Variants in MAML2 observed in about 807,000 individuals in gnomAD.
MAML2 encodes the protein mastermind like transcriptional coactivator 2, also known as mastermind-like protein 2.
MAML2 carries 22 observed loss-of-function variants against 96.1 expected under a neutral mutation model. The observed-to-expected ratio is 0.23, with a 90% confidence interval of 0.16 to 0.33. MAML2 has a LOEUF of 0.33. Among genes scored for constraint, MAML2 ranks in the 10% least tolerant of loss-of-function variants. MAML2 has a pLI of 1.00. For missense variants in MAML2, 1,367 were observed against 1,392.4 expected (o/e 0.98, Z 0.29); for synonymous variants, 561 against 521.3 (o/e 1.08, Z -1.04).
Position 95,989,422 on chromosome 11 carries a change from C to T in MAML2, c.2343+2098G>A, listed in dbSNP as rs148381335. On this transcript the variant is annotated intron_variant, in intron 3 of 4. Transcript: ENST00000524717. ...GTCCTAGTGGTGACTCAACTGGGGC[C>T]CAGTGGGAGTTAGCCCAGTGCCAGG... is the stretch of plus-strand genomic sequence containing the variant. Among the ~76,000 whole-genome samples, 233 of 152,290 alleles carry T rather than the reference C, an allele frequency of 1.5e-3. 1 individual carries two copies. The highest frequency in any genetic ancestry group is 5.2e-3 in the African/African-American group (218 of 41,560).
chr11:96,332,401 A>C (rs1380167456), intron 1 of MAML2, among the ~76,000 whole-genome samples: 1 of 152,196 alleles, frequency 6.6e-6, no homozygotes, highest in Admixed American at 6.5e-5. Flanking sequence ...TTAATTTAGC[A>C]CAAAGACAGC....
intron 1 of MAML2, among the ~76,000 whole-genome samples, chr11:96,180,411 C>A (rs1211230927): frequency 6.6e-6 from 1 of 152,180 alleles, no homozygotes; most frequent in African/African-American, 2.4e-5. Context: ...ACTTGGCTCT[C>A]TTTTTCAGGA....
chr11:96,286,078 T>C (rs1441746267), intron 1 of MAML2, among the ~76,000 whole-genome samples: 1 of 152,190 alleles, frequency 6.6e-6, no homozygotes, highest in African/African-American at 2.4e-5. Flanking sequence ...TTAACCCAAA[T>C]GCCCATCAAT....
Position 95,979,945 on chromosome 11 carries a change from C to A in MAML2, c.2474G>T (p.Ser825Ile), listed in dbSNP as rs776781734. 2 of 1,612,178 alleles carry A rather than the reference C, an allele frequency of 1.2e-6. No individual in the cohort carries two copies. The highest frequency in any genetic ancestry group is 1.7e-4 in the Middle Eastern group (1 of 6,058). ...AQYSGGSSTISLNSNQALANP... is the reference protein window; with the variant it reads ...AQYSGGSSTIILNSNQALANP... ...TGCCAAAGCCTGGTTAGAGTTTAAG[C>A]TTATTGTGGATGAGCCACCTGAGAA... The change falls in exon 5 of 5, where the codon AGC (serine) becomes ATC (isoleucine). Residue 825 changes from serine to isoleucine, a missense_variant. Coordinates refer to ENST00000524717, the MANE Select transcript of MAML2 (RefSeq NM_032427.4).
intron 1 of MAML2, among the ~76,000 whole-genome samples, chr11:96,279,550 T>G (rs1275220918): frequency 6.6e-6 from 1 of 152,228 alleles, no homozygotes; most frequent in Non-Finnish European, 1.5e-5. Context: ...AGAGGGTGAC[T>G]AACAAGCTTC....
intron 1 of MAML2, among the ~76,000 whole-genome samples, chr11:96,336,764 T>C (rs1415924405): frequency 6.6e-6 from 1 of 152,230 alleles, no homozygotes; most frequent in African/African-American, 2.4e-5. Flanking sequence ...TTATGGCCAC[T>C]CTTTTAGTCA....
At chr11:96,052,647 C>T (rs1285422564) in intron 2 of MAML2, among the ~76,000 whole-genome samples, 1 of 152,156 alleles carries the variant, frequency 6.6e-6, no homozygotes, top group Non-Finnish European at 1.5e-5. Context: ...CACATTGATG[C>T]CCTGTGTCAA....
At chr11:96,000,392 T>C (rs1042320948) in intron 2 of MAML2, among the ~76,000 whole-genome samples, 8 of 152,202 alleles carry the variant, frequency 5.3e-5, no homozygotes, top group African/African-American at 1.9e-4. Flanking sequence ...CTGTGGCTGC[T>C]TTCCCACTAT....
chr11:96,196,246 A>G (rs1393216584), intron 1 of MAML2, among the ~76,000 whole-genome samples: 1 of 152,206 alleles, frequency 6.6e-6, no homozygotes, highest in African/African-American at 2.4e-5. Context: ...GTTTCCTTGC[A>G]GTGATCAGGA....
intron 1 of MAML2, among the ~76,000 whole-genome samples, chr11:96,237,810 T>C (rs1862385451): frequency 6.6e-6 from 1 of 152,254 alleles, no homozygotes; most frequent in Admixed American, 6.5e-5. Context: ...CCTTGCTCAT[T>C]GTTTAGAATG....
chr11:96,157,510 T>A (rs1282916558), intron 1 of MAML2, among the ~76,000 whole-genome samples: 2 of 152,182 alleles, frequency 1.3e-5, no homozygotes, highest in Non-Finnish European at 1.5e-5. Flanking sequence ...AAATGTTACC[T>A]CTCCCCACCA....
intron 1 of MAML2, among the ~76,000 whole-genome samples, chr11:96,262,514 C>T (rs1482747820): frequency 6.6e-6 from 1 of 151,426 alleles, no homozygotes; most frequent in African/African-American, 2.4e-5. Context: ...GTTGCCCGGG[C>T]TGGAGTGCAG....
rs562627283 is a variant in MAML2 at position 96,288,783 on chromosome 11, C to T, written c.513+52600G>A. On this transcript the variant is annotated intron_variant, in intron 1 of 4. Transcript: ENST00000524717. ...TTAATTTTAATTATTTTCAGAAGCA[C>T]GGCGAAACTCAAAAGGTTTTTCTAC... 2.6e-4 allele frequency among the ~76,000 whole-genome samples: 40 copies of T among 152,134 alleles called. No homozygotes were observed. In the East Asian group the frequency reaches 3.7e-3, roughly 14 times the overall value.
In MAML2 at chr11:95,979,210, T is replaced by C; in HGVS notation, c.3209A>G (p.Asn1070Ser). The change falls in exon 5 of 5, where the codon AAT becomes AGT. Residue 1070 changes from asparagine (N) to serine (S), a missense_variant. Transcript: ENST00000524717. ...CTGGTTGATGCCCGTCCTCGACTGA[T>C]TCAACCCTGTTCCTGACTGATTCAA... Reference protein sequence around the residue: ...PNLNQSGTGLNQSRTGINQPP... With the variant: ...PNLNQSGTGLSQSRTGINQPP... The C allele has an allele frequency of 1.2e-6, 2 of 1,614,014 alleles. No individual in the cohort carries two copies. Among genetic ancestry groups the C allele is most frequent in the African/African-American group, 1.3e-5 (1 of 75,044 alleles).
chr11:96,324,840 ACTT>A (rs1399585285), intron 1 of MAML2, among the ~76,000 whole-genome samples: 5 of 152,180 alleles, frequency 3.3e-5, no homozygotes, highest in Admixed American at 1.3e-4. Context: ...AGAAGAGTCT[ACTT>A]CTTTAATTCA....
At chr11:95,995,146 G>T (rs1490093399) in intron 2 of MAML2, among the ~76,000 whole-genome samples, 1 of 152,194 alleles carries the variant, frequency 6.6e-6, no homozygotes, top group African/African-American at 2.4e-5. Context: ...TGTTTTCATT[G>T]TGAAACAAAG....
At position 96,341,669 on chromosome 11, in the gene MAML2, A is replaced by G; in HGVS notation, c.227T>C (p.Leu76Pro). Reference protein sequence around the residue: ...SDRERESTLQLLSLVQHGQGA... With the variant: ...SDRERESTLQPLSLVQHGQGA... ...CTGGCCATGCTGTACAAGGCTCAGG[A>G]GCTGCAAGGTGCTTTCTCTTTCCCG... The change falls in exon 1 of 5, where the codon CTC becomes CCC. Residue 76 changes from leucine to proline, a missense_variant. Leu to Pro is a moderately conservative substitution (Grantham distance 98, BLOSUM62 -3). Coordinates refer to ENST00000524717, the MANE Select transcript of MAML2 (RefSeq NM_032427.4). 6.3e-7 allele frequency: 1 copy of G among 1,583,452 alleles called. No individual in the cohort carries two copies. The highest frequency in any genetic ancestry group is 8.6e-7 in the Non-Finnish European group (1 of 1,164,430).
In MAML2 at chr11:95,979,120, G is replaced by A; in HGVS notation, c.3299C>T (p.Thr1100Ile). ...AAAAGCTAAGTCACTGCTGTGGTCA[G>A]TTCCTTGAAAAGCCCTGGAACTTTG... ...PNQSSRAFQG[T>I]DHSSDLAFDF... Residue 1100 changes from threonine (T) to isoleucine (I), a missense_variant, in exon 5 of 5, where the codon ACT becomes ATT. Coordinates refer to ENST00000524717, the MANE Select transcript of MAML2 (RefSeq NM_032427.4). The A allele has an allele frequency of 6.2e-7, 1 of 1,614,014 alleles. No homozygotes were observed. Among genetic ancestry groups the A allele is most frequent in the Non-Finnish European group, 8.5e-7 (1 of 1,179,888 alleles).
chr11:96,049,265 A>G (rs759915121), intron 2 of MAML2, among the ~76,000 whole-genome samples: 1 of 152,184 alleles, frequency 6.6e-6, no homozygotes, highest in Non-Finnish European at 1.5e-5. Flanking sequence ...AATCATTTGT[A>G]TTATCAACTC....
Sources: gnomAD v4.1 joint callset for allele counts (sites outside exome capture counted in the v4.1 genomes callset) on GRCh38, gnomAD v4.1.1 for gene constraint, MANE v1.5 for transcripts, NCBI Gene and HGNC (gene_info 2026-07-23, HGNC 2026-07-21) for gene names.